Variants in YARS2 observed in about 807,000 individuals in gnomAD.
YARS2 encodes the protein tyrosyl-tRNA synthetase 2.
YARS2 carries 38 observed loss-of-function variants against 45.0 expected under a neutral mutation model. That is an observed-to-expected ratio of 0.84 (90% CI 0.65 to 1.11). The LOEUF (loss-of-function observed/expected upper bound fraction) is 1.11, where lower values mean the gene tolerates loss of function less well. Ranked by LOEUF, YARS2 falls within the 50% of genes least tolerant of loss-of-function variation. YARS2 has a pLI of 0.00. For missense variants in YARS2, 602 were observed against 599.8 expected (o/e 1.00, Z -0.04); for synonymous variants, 287 against 245.1 (o/e 1.17, Z -1.60).
chr12:32,750,763 T>C lies in YARS2; in HGVS notation c.1059A>G (p.Val353=), dbSNP rs1366969660. 2 of 1,614,094 alleles carry C rather than the reference T, an allele frequency of 1.2e-6. No individual in the cohort carries two copies. The highest frequency in any genetic ancestry group is 1.7e-6 in the Non-Finnish European group (2 of 1,180,052). Residue 353 remains valine (V), a synonymous_variant, in exon 3 of 5, where the codon GTA becomes GTG. Coordinates refer to ENST00000324868, the MANE Select transcript of YARS2 (RefSeq NM_001040436.3). The part of the protein sequence containing the change: ...RGPQKRLAAE[V]TKLVHGREGL... The stretch of plus-strand genomic sequence containing the variant: ...CTTCTCGTCCATGAACAAGCTTTGT[T>C]ACTTCTGCTGCCAGTCGTTTCTGAG...
chr12:32,751,024 C>A (rs1452255588), intron 2 of YARS2, 150 bp from the exon 3 acceptor site: 2 of 862,610 alleles, frequency 2.3e-6, no homozygotes, highest in Non-Finnish European at 3.5e-6. Context: ...ATGCACACAT[C>A]ACCCAGATTT....
chr12:32,754,973 TG>T, intron 1 of YARS2, 122 bp downstream of exon 1: 1 of 1,255,628 alleles, frequency 8.0e-7, no homozygotes, highest in Non-Finnish European at 1.2e-6. Flanking sequence ...AGAGCCTTAA[TG>T]GGGATAAAAC....
At chr12:32,750,304 C>A (rs148832666) in intron 3 of YARS2, among the ~76,000 whole-genome samples, 197 bp from the exon 4 acceptor site, 5 of 152,066 alleles carry the variant, frequency 3.3e-5, no homozygotes, top group Non-Finnish European at 7.4e-5. Flanking sequence ...CGGGTTCAGG[C>A]GATTCTCCTG....
chr12:32,746,944 AT>A lies in YARS2; in HGVS notation c.*259del, dbSNP rs140325584. 2.4e-6 allele frequency: 1 copy of A among 412,302 alleles called. No homozygotes were observed. The highest frequency in any genetic ancestry group is 4.4e-6 in the Non-Finnish European group (1 of 228,132). 25.5% of individuals were successfully genotyped at this position (412,302 alleles called of 1,614,324 possible). A position where few individuals can be genotyped will look rare whatever the true frequency, so the allele number is the denominator to read the frequency against. On this transcript the variant is annotated 3_prime_UTR_variant, in exon 5 of 5. Coordinates refer to ENST00000324868, the MANE Select transcript of YARS2 (RefSeq NM_001040436.3). The stretch of plus-strand genomic sequence containing the variant: ...GCATTTCTTTCTCTTCTGAAGTATA[AT>A]TTTAAAAAGAGATTAACCCTGAAAA...
chr12:32,755,136 G>T lies in YARS2; in HGVS notation c.739C>A (p.Gln247Lys). Residue 247 changes from glutamine (Q) to lysine (K), a missense_variant, in exon 1 of 5, where the codon CAA becomes AAA. By Grantham distance (53) the Gln-to-Lys change is moderately conservative. Coordinates refer to ENST00000324868, the MANE Select transcript of YARS2 (RefSeq NM_001040436.3). ...GCRVQLGGSDQLGNIMSGYEF... is the reference protein window; with the variant it reads ...GCRVQLGGSDKLGNIMSGYEF... ...TATCCGGACATGATGTTGCCTAGTT[G>T]ATCAGATCCGCCCAGCTGGACCCTG... 6.2e-7 allele frequency: 1 copy of T among 1,614,196 alleles called. No individual in the cohort carries two copies. The highest frequency in any genetic ancestry group is 8.5e-7 in the Non-Finnish European group (1 of 1,180,036).
At chr12:32,754,575 T>G (rs1340062994) in intron 1 of YARS2, among the ~76,000 whole-genome samples, 2 of 152,174 alleles carry the variant, frequency 1.3e-5, no homozygotes, top group African/African-American at 4.8e-5. Context: ...GGTGCAGAGC[T>G]AAAGCAGAGG....
At position 32,755,871 on chromosome 12, in the gene YARS2, C is replaced by A; in HGVS notation, c.4G>T (p.Ala2Ser). 1 of 1,613,108 alleles carries A rather than the reference C, an allele frequency of 6.2e-7. No individual in the cohort carries two copies. The highest frequency in any genetic ancestry group is 1.1e-5 in the South Asian group (1 of 91,088). ...GAAAAGGACCGCAAGATGGGCGCCGCCATCTTGGTAGCGGCACGAAGGGAA... is the reference window on the plus strand; with the variant it reads ...GAAAAGGACCGCAAGATGGGCGCCGACATCTTGGTAGCGGCACGAAGGGAA... M[A>S]APILRSFSWG... is the part of the protein sequence containing the mutation. The change falls in exon 1 of 5, where the codon GCG becomes TCG. Residue 2 changes from alanine (A) to serine (S), a missense_variant. Physicochemically the swap from Ala to Ser is moderately conservative, Grantham distance 99. Transcript: ENST00000324868.
At position 32,750,793 on chromosome 12, in the gene YARS2, C is replaced by T. The variant is rs1323901597; in HGVS notation, c.1029G>A (p.Arg343=). ...CTGCTGCCAGTCGTTTCTGAGGACC[C>T]CGCCTTTCTGGCTCTTTGACATGCA... ...MQLHVKEPER[R]GPQKRLAAEV... is the part of the protein sequence containing the mutation. Residue 343 remains arginine (R), a synonymous_variant, in exon 3 of 5, where the codon CGG becomes CGA. Coordinates refer to ENST00000324868, the MANE Select transcript of YARS2 (RefSeq NM_001040436.3). The T allele has an allele frequency of 1.1e-5, 18 of 1,614,158 alleles. No homozygotes were observed. Among genetic ancestry groups the T allele is most frequent in the Non-Finnish European group, 1.5e-5 (18 of 1,180,034 alleles).
chr12:32,753,050 C>T (rs1467097714), intron 2 of YARS2, among the ~76,000 whole-genome samples: 1 of 151,760 alleles, frequency 6.6e-6, no homozygotes, highest in Non-Finnish European at 1.5e-5. Flanking sequence ...TGCGGGGGCT[C>T]ATGCTGTAAT....
chr12:32,751,332 T>C lies in YARS2; in HGVS notation c.948-458A>G, dbSNP rs532385891. Among the ~76,000 whole-genome samples the C allele has an allele frequency of 2.6e-5, 4 of 152,228 alleles. No homozygotes were observed. The East Asian group carries it at 5.8e-4, about 22-fold the overall frequency. On this transcript the variant is annotated intron_variant, in intron 2 of 4. Transcript: ENST00000324868. ...ATCCTCTTGTCTCAGCCTCCCAAAG[T>C]GTTGGGATTATGGGCAGGAGCCACC...
rs1955796991 is a variant in YARS2 at position 32,753,980 on chromosome 12, A to G, written c.885T>C (p.Asp295=). ...SAGNAVWLNR[D]KTSPFELYQF... ...GATACAATTCAAATGGAGATGTCTT[A>G]TCTCTGTTTAGCCAAACAGCGTTGC... Residue 295 remains aspartate (D), a synonymous_variant, in exon 2 of 5, where the codon GAT becomes GAC. Coordinates refer to ENST00000324868, the MANE Select transcript of YARS2 (RefSeq NM_001040436.3). 2.5e-6 allele frequency: 4 copies of G among 1,614,234 alleles called. No individual in the cohort carries two copies. The highest frequency in any genetic ancestry group is 3.4e-6 in the Non-Finnish European group (4 of 1,180,044).
In YARS2 at chr12:32,747,236, T is replaced by C. The variant is rs750575828; in HGVS notation, c.1402A>G (p.Asn468Asp). ...TGAAGCCATTTTATAATGTAGAAAT[T>C]TCTTTTTCCTATTTTAAGTAAGGAA... ...GLSLLKIGKRNFYIIKWLQL is the reference protein window; with the variant it reads ...GLSLLKIGKRDFYIIKWLQL Residue 468 changes from asparagine (N) to aspartate (D), a missense_variant, in exon 5 of 5, where the codon AAT becomes GAT. Coordinates refer to ENST00000324868, the MANE Select transcript of YARS2 (RefSeq NM_001040436.3). The C allele has an allele frequency of 6.2e-7, 1 of 1,613,538 alleles. No homozygotes were observed. The highest frequency in any genetic ancestry group is 8.5e-7 in the Non-Finnish European group (1 of 1,179,896).
At chr12:32,750,346 C>T (rs1482883068) in intron 3 of YARS2, among the ~76,000 whole-genome samples, 4 of 152,044 alleles carry the variant, frequency 2.6e-5, no homozygotes, top group Admixed American at 6.6e-5. Context: ...GGATTACAGA[C>T]GTGTGCCACC....
rs749603290 is a variant in YARS2, at chr12:32,755,297, A to C, written c.578T>G (p.Phe193Cys). Reference sequence around the variant, plus strand: ...CCGGCTCAGCAGCGTCCCCATGCGGAAGTGACCCCCCACTGCCGCCAGGAA... The same window carrying C: ...CCGGCTCAGCAGCGTCCCCATGCGGCAGTGACCCCCCACTGCCGCCAGGAA... ...VDFLAAVGGHFRMGTLLSRQS... is the reference protein window; with the variant it reads ...VDFLAAVGGHCRMGTLLSRQS... Residue 193 changes from phenylalanine to cysteine, a missense_variant, in exon 1 of 5, where the codon TTC becomes TGC. Coordinates refer to ENST00000324868, the MANE Select transcript of YARS2 (RefSeq NM_001040436.3). 2.2e-5 allele frequency: 36 copies of C among 1,613,988 alleles called. No individual in the cohort carries two copies. In the Admixed American group the frequency reaches 6.0e-4, roughly 27 times the overall value.
intron 4 of YARS2, among the ~76,000 whole-genome samples, chr12:32,748,173 C>A (rs1017050942): frequency 6.6e-6 from 1 of 152,042 alleles, no homozygotes; most frequent in African/African-American, 2.4e-5. Context: ...TATTTTTATA[C>A]CTTTATTTTT....
At chr12:32,751,722 T>C (rs1161163935) in intron 2 of YARS2, among the ~76,000 whole-genome samples, 1 of 152,186 alleles carries the variant, frequency 6.6e-6, no homozygotes, top group Admixed American at 6.5e-5. Context: ...TCAAAAGGAA[T>C]GCGCAACCTA....
Position 32,755,403 on chromosome 12 carries a change from G to T in YARS2, c.472C>A (p.Leu158Ile). ...LEALAANHQQ[L>I]FTDGRSWGSF... is the part of the protein sequence containing the mutation. ...CCCCAGGAGCGCCCATCAGTGAAAA[G>T]CTGCTGGTGATTAGCCGCCAGGGCC... Residue 158 changes from leucine to isoleucine, a missense_variant, in exon 1 of 5, where the codon CTT becomes ATT. Transcript: ENST00000324868. 6.2e-7 allele frequency: 1 copy of T among 1,613,828 alleles called. No homozygotes were observed. The highest frequency in any genetic ancestry group is 1.1e-5 in the South Asian group (1 of 91,086).
intron 2 of YARS2, among the ~76,000 whole-genome samples, chr12:32,752,357 TAGTG>T (rs1030577390): frequency 7.2e-5 from 11 of 152,204 alleles, no homozygotes; most frequent in African/African-American, 2.6e-4. Flanking sequence ...TGTAATCAAA[TAGTG>T]AGTTTGGCAG....
At chr12:32,753,835 T>C in intron 2 of YARS2, 83 bp downstream of exon 2, 2 of 1,569,084 alleles carry the variant, frequency 1.3e-6, no homozygotes, top group East Asian at 4.5e-5. Context: ...AAAAAAACTA[T>C]AAAATGTACA....
Sources: gnomAD v4.1 joint callset for allele counts (sites outside exome capture counted in the v4.1 genomes callset) on GRCh38, gnomAD v4.1.1 for gene constraint, MANE v1.5 for transcripts, NCBI Gene and HGNC (gene_info 2026-07-23, HGNC 2026-07-21) for gene names.